The following CACNA2D3 variants were observed in gnomAD, a reference collection of about 807,000 sequenced individuals.
The protein encoded by CACNA2D3 is voltage-dependent calcium channel subunit alpha-2/delta-3.
In CACNA2D3, 60 loss-of-function variants were observed where a neutral mutation model predicts 160.6. That is an observed-to-expected ratio of 0.37 (90% CI 0.30 to 0.46). The LOEUF is 0.46. Among genes scored for constraint, CACNA2D3 ranks in the 20% least tolerant of loss-of-function variants. CACNA2D3 has a pLI of 1.00. For missense variants in CACNA2D3, 1,205 were observed against 1,365.0 expected, an observed-to-expected ratio of 0.88 and a Z score of 1.85; for synonymous variants, 558 against 492.9, an observed-to-expected ratio of 1.13 and a Z score of -1.75.
At position 54,329,013 on chromosome 3, in the gene CACNA2D3, G is replaced by A. The variant is rs542679205; in HGVS notation, c.321+8455G>A. 1.1e-4 allele frequency among the ~76,000 whole-genome samples: 16 copies of A among 152,260 alleles called. No individual in the cohort carries two copies. In the South Asian group the frequency reaches 3.1e-3, roughly 30 times the overall value. On this transcript the variant is annotated intron_variant, in intron 3 of 37. Transcript: ENST00000474759. The stretch of plus-strand genomic sequence containing the variant: ...GTAGTTGCAAGAGAATTTGAGCTTG[G>A]TGCAGCCCCTCTCACCGGGAAGGGG...
chr3:54,327,279 C>T (rs1017835451), intron 3 of CACNA2D3, among the ~76,000 whole-genome samples: 6 of 152,216 alleles, frequency 3.9e-5, no homozygotes, highest in African/African-American at 1.2e-4. Flanking sequence ...TACATGCTTA[C>T]CACTAAAGGG....
At chr3:54,207,169 C>T (rs1701290358) in intron 2 of CACNA2D3, among the ~76,000 whole-genome samples, 2 of 140,462 alleles carry the variant, frequency 1.4e-5, no homozygotes, top group African/African-American at 2.8e-5. Flanking sequence ...TAGAATGGGC[C>T]TTCTAGGCAG....
chr3:54,627,440 CAG>C (rs999476881), intron 9 of CACNA2D3, among the ~76,000 whole-genome samples: 2 of 152,008 alleles, frequency 1.3e-5, no homozygotes, highest in African/African-American at 4.8e-5. Flanking sequence ...GGTGCATATG[CAG>C]AGTCCTAAAT....
At position 54,549,499 on chromosome 3, in the gene CACNA2D3, G is replaced by T. The variant is rs1276862026; in HGVS notation, c.545-13301G>T. Among the ~76,000 whole-genome samples, 6 of 152,156 alleles carry T rather than the reference G, an allele frequency of 3.9e-5. No homozygotes were observed. The East Asian group carries it at 1.2e-3, about 29-fold the overall frequency. On this transcript the variant is annotated intron_variant, in intron 5 of 37. Coordinates refer to ENST00000474759, the MANE Select transcript of CACNA2D3 (RefSeq NM_018398.3). ...AAAAACAAACAACAAACCTGAACTT[G>T]CCCCCGTTCCCTTTTTCAAATGTCC...
chr3:54,816,966 G>A, intron 14 of CACNA2D3, 96 bp downstream of exon 14: 2 of 1,433,188 alleles, frequency 1.4e-6, no homozygotes, highest in Non-Finnish European at 9.6e-7. Context: ...CATGACCAGT[G>A]AAATGGTTTT....
At chr3:54,681,741 C>T (rs1700355682) in intron 11 of CACNA2D3, among the ~76,000 whole-genome samples, 1 of 152,134 alleles carries the variant, frequency 6.6e-6, no homozygotes, top group African/African-American at 2.4e-5. Context: ...TGGTGTGATG[C>T]AATCTCGGCT....
Position 54,703,386 on chromosome 3 carries a change from TCAAA to T in CACNA2D3, c.1168-49207_1168-49204del, listed in dbSNP as rs1385631493. On this transcript the variant is annotated intron_variant, in intron 11 of 37. Coordinates refer to ENST00000474759, the MANE Select transcript of CACNA2D3 (RefSeq NM_018398.3). ...AAGAATTTTACAGGCCTAATCCTAC[TCAAA>T]CAAACTAAATGTAAAAGTAGTTTCT... 5.9e-5 allele frequency among the ~76,000 whole-genome samples: 9 copies of T among 152,204 alleles called. No homozygotes were observed. In the East Asian group the frequency reaches 9.6e-4, roughly 16 times the overall value.
intron 11 of CACNA2D3, among the ~76,000 whole-genome samples, chr3:54,724,068 G>T (rs1476936067): frequency 1.3e-5 from 2 of 152,152 alleles, no homozygotes; most frequent in Non-Finnish European, 2.9e-5. Context: ...AAGGGATGGA[G>T]GAATTTTTAC....
chr3:54,875,310 A>G lies in CACNA2D3; in HGVS notation c.1710+3688A>G, dbSNP rs932524924. On this transcript the variant is annotated intron_variant, in intron 18 of 37. Transcript: ENST00000474759. ...AGAGAGAATGTTTTGCAGGTTCTCC[A>G]TGCTCAAGTCTGTTTTCCTACGCTG... 7.2e-5 allele frequency: 11 copies of G among 152,266 alleles called. 1 individual carries two copies. In the East Asian group the frequency reaches 1.9e-3, roughly 27 times the overall value. 9.4% of individuals were successfully genotyped at this position (152,266 alleles called of 1,614,324 possible).
At chr3:54,981,774 C>CG (rs1559454226) in intron 29 of CACNA2D3, among the ~76,000 whole-genome samples, 1 of 152,218 alleles carries the variant, frequency 6.6e-6, no homozygotes, top group East Asian at 1.9e-4. Flanking sequence ...CTTTGCTTAG[C>CG]GCCCAGTATC....
At chr3:54,610,458 G>A (rs534852381) in intron 9 of CACNA2D3, among the ~76,000 whole-genome samples, 3 of 149,000 alleles carry the variant, frequency 2.0e-5, no homozygotes, top group Non-Finnish European at 3.0e-5. Context: ...TTTTAAGTCC[G>A]TTTCAATGCC....
intron 5 of CACNA2D3, among the ~76,000 whole-genome samples, chr3:54,561,994 A>G (rs1465573683): frequency 6.6e-6 from 1 of 152,150 alleles, no homozygotes; most frequent in Non-Finnish European, 1.5e-5. Context: ...GTCTCGTGAG[A>G]CTTATTCGCT....
At chr3:54,402,507 G>A (rs1418568610) in intron 4 of CACNA2D3, among the ~76,000 whole-genome samples, 1 of 152,068 alleles carries the variant, frequency 6.6e-6, no homozygotes, top group Non-Finnish European at 1.5e-5. Context: ...TAATAAAATA[G>A]ATTTTAAGTA....
At chr3:54,415,431 T>C (rs1376671785) in intron 4 of CACNA2D3, among the ~76,000 whole-genome samples, 1 of 152,232 alleles carries the variant, frequency 6.6e-6, no homozygotes, top group Non-Finnish European at 1.5e-5. Flanking sequence ...ATTAATTCTT[T>C]TCTACTTTCA....
rs114200929 is a variant in CACNA2D3, at chr3:55,033,095, G to T, written c.2987+14778G>T. Among the ~76,000 whole-genome samples, 670 of 152,166 alleles carry T rather than the reference G, an allele frequency of 4.4e-3. 5 individuals are homozygous for T. Among genetic ancestry groups the T allele is most frequent in the African/African-American group, 0.014 (597 of 41,532 alleles). ...AAGGCAACTTTGTGATTTTCCTTAG[G>T]AAAAGAGAAGGTGGTCCAGAGAAGG... is the stretch of plus-strand genomic sequence containing the variant. On this transcript the variant is annotated intron_variant, in intron 35 of 37. Coordinates refer to ENST00000474759, the MANE Select transcript of CACNA2D3 (RefSeq NM_018398.3).
chr3:54,147,666 G>A (rs1264340782), intron 2 of CACNA2D3, among the ~76,000 whole-genome samples: 3 of 152,208 alleles, frequency 2.0e-5, no homozygotes, highest in Non-Finnish European at 2.9e-5. Flanking sequence ...ATTTTGGTGA[G>A]GATTACAGTG....
chr3:54,602,631 C>G (rs1265435639), intron 9 of CACNA2D3, among the ~76,000 whole-genome samples: 1 of 152,050 alleles, frequency 6.6e-6, no homozygotes, highest in Admixed American at 6.6e-5. Flanking sequence ...GAAGCTAACC[C>G]TGGATTTGTA....
At chr3:54,623,951 T>C (rs1699041965) in intron 9 of CACNA2D3, among the ~76,000 whole-genome samples, 1 of 152,028 alleles carries the variant, frequency 6.6e-6, no homozygotes, top group Non-Finnish European at 1.5e-5. Context: ...GTAGGAGAGT[T>C]GGGCAGAGGG....
At chr3:54,583,676 C>T (rs375235848) in intron 9 of CACNA2D3, among the ~76,000 whole-genome samples, 2 of 152,218 alleles carry the variant, frequency 1.3e-5, no homozygotes, top group Admixed American at 1.3e-4. Context: ...AGCATTATAT[C>T]GGTTCTCAAA....
Sources: allele counts gnomAD v4.1 joint callset (sites outside exome capture counted in the v4.1 genomes callset), GRCh38; gene constraint gnomAD v4.1.1; transcripts MANE v1.5; gene names NCBI Gene and HGNC (gene_info 2026-07-23, HGNC 2026-07-21).